The following CCDC171 variants were observed in gnomAD, a reference collection of about 807,000 sequenced individuals.
CCDC171 encodes the protein coiled-coil domain-containing protein 171.
CCDC171 carries 177 observed loss-of-function variants against 168.2 expected under a neutral mutation model. The ratio of observed to expected loss-of-function variants is 1.05; its 90% CI spans 0.93 to 1.19. The LOEUF (loss-of-function observed/expected upper bound fraction) is 1.19, where lower values mean the gene tolerates loss of function less well. CCDC171 is among the 50% of genes most tolerant of loss of function. CCDC171 has a pLI of 0.00. For missense variants in CCDC171, 1,991 were observed against 1,539.0 expected (o/e 1.29, Z -4.91); for synonymous variants, 687 against 540.8 (o/e 1.27, Z -3.75).
At chr9:15,622,927 T>C (rs891593366) in intron 6 of CCDC171, among the ~76,000 whole-genome samples, 29 of 152,188 alleles carry the variant, frequency 1.9e-4, no homozygotes, top group African/African-American at 6.8e-4. Context: ...TTTAAAAATT[T>C]TAATGAGAAG....
chr9:15,662,485 G>A (rs1435339821), intron 8 of CCDC171, among the ~76,000 whole-genome samples: 5 of 152,124 alleles, frequency 3.3e-5, no homozygotes, highest in East Asian at 1.9e-4. Context: ...ACAGAGTTCC[G>A]TAACTTTTCT....
intron 3 of CCDC171, among the ~76,000 whole-genome samples, chr9:16,004,829 G>A (rs1369259190): frequency 6.6e-6 from 1 of 152,108 alleles, no homozygotes; most frequent in Non-Finnish European, 1.5e-5. Context: ...TTGAAGTTAA[G>A]AGTTGCAGGA....
At chr9:16,010,749 T>TAAAA (rs78310900) in intron 3 of CCDC171, among the ~76,000 whole-genome samples, 5 of 148,230 alleles carry the variant, frequency 3.4e-5, no homozygotes, top group African/African-American at 1.2e-4. Flanking sequence ...AACAGTTTAT[T>TAAAA]AAAAAAAAAA....
chr9:15,656,991 C>T (rs2047987781), intron 7 of CCDC171, 136 bp from the exon 8 acceptor site: 2 of 449,618 alleles, frequency 4.4e-6, no homozygotes, highest in African/African-American at 2.0e-5. Flanking sequence ...TTTTACATTC[C>T]ATTCTTGCAA....
At chr9:15,886,356 G>C (rs920514499) in intron 24 of CCDC171, 1 of 152,098 alleles carries the variant, frequency 6.6e-6, no homozygotes, top group African/African-American at 2.4e-5. Context: ...TGGCCAATAA[G>C]TAAAAAGGTG....
At chr9:15,767,074 T>C (rs2056763583) in intron 18 of CCDC171, among the ~76,000 whole-genome samples, 1 of 152,148 alleles carries the variant, frequency 6.6e-6, no homozygotes, top group Non-Finnish European at 1.5e-5. Flanking sequence ...ATGACGAAAG[T>C]TTTTTTAGAT....
chr9:15,920,691 C>G (rs1394257575), intron 25 of CCDC171, among the ~76,000 whole-genome samples: 1 of 151,692 alleles, frequency 6.6e-6, no homozygotes, highest in Non-Finnish European at 1.5e-5. Context: ...GTGCAGCTGA[C>G]AGTTGAATTT....
Position 15,859,647 on chromosome 9 carries a change from GT to G in CCDC171, c.3468+10704del, listed in dbSNP as rs369926402. On this transcript the variant is annotated intron_variant, in intron 23 of 25. Transcript: ENST00000380701. ...CCCACCCCCCGAATCTTTTTGTTTT[GT>G]TTTGTTTTGTTTTGTTTTGTTTTTT... 2.9e-4 allele frequency among the ~76,000 whole-genome samples: 34 copies of G among 119,190 alleles called. No individual in the cohort carries two copies. In the East Asian group the frequency reaches 5.5e-3, roughly 19 times the overall value. The allele number at this position is 119,190 out of a possible 152,430, so 78.2% of individuals were successfully genotyped here. A position where few individuals can be genotyped will look rare whatever the true frequency, so the allele number is the denominator to read the frequency against.
At chr9:15,863,104 C>T (rs925622594) in intron 23 of CCDC171, among the ~76,000 whole-genome samples, 10 of 151,940 alleles carry the variant, frequency 6.6e-5, no homozygotes, top group African/African-American at 2.2e-4. Context: ...CATGTCAGTA[C>T]TCAAACACAG....
At chr9:15,664,689 G>GT (rs1327362793) in intron 8 of CCDC171, among the ~76,000 whole-genome samples, 18 of 132,972 alleles carry the variant, frequency 1.4e-4, no homozygotes, top group African/African-American at 5.0e-4. Flanking sequence ...AGGGAATATA[G>GT]TTTTGTTTTT....
intron 25 of CCDC171, among the ~76,000 whole-genome samples, chr9:15,940,106 A>G (rs1827549706): frequency 6.6e-6 from 1 of 151,922 alleles, no homozygotes; most frequent in Admixed American, 6.6e-5. Flanking sequence ...ACAACTTTAT[A>G]TCATTTGTTT....
chr9:15,724,953 C>T lies in CCDC171; in HGVS notation c.1669C>T (p.Gln557Ter). The T allele has an allele frequency of 6.2e-7, 1 of 1,613,792 alleles. No homozygotes were observed. Among genetic ancestry groups the T allele is most frequent in the South Asian group, 1.1e-5 (1 of 91,072 alleles). ...QSESELQKLS[Q>*]AFHKDAEEKL... ...TGAAAGTGAACTGCAGAAGCTTTCC[C>T]AGGCTTTCCATAAGGATGCAGAGGT... The change falls in exon 14 of 26, where the codon CAG becomes TAG. Residue 557 changes from glutamine (Q) to a stop codon, truncating the protein, a stop_gained. Transcript: ENST00000380701. LOFTEE classifies it high-confidence loss of function.
At chr9:15,955,320 C>T (rs1446005301) in intron 25 of CCDC171, among the ~76,000 whole-genome samples, 5 of 152,122 alleles carry the variant, frequency 3.3e-5, no homozygotes, top group Admixed American at 2.6e-4. Flanking sequence ...AGGATGCTGG[C>T]CCTTTAAATT....
In CCDC171 at chr9:15,680,080, A is replaced by G. The variant is rs142388981; in HGVS notation, c.1215+1184A>G. Among the ~76,000 whole-genome samples, 792 of 152,258 alleles carry G rather than the reference A, an allele frequency of 5.2e-3. 6 individuals carry two copies. The highest frequency in any genetic ancestry group is 0.019 in the African/African-American group (775 of 41,556). ...ACAGTATTTCTTTAGTACTTAGTTC[A>G]GCATCTTTATCATAATACTCACCGA... On this transcript the variant is annotated intron_variant, in intron 10 of 25. Transcript: ENST00000380701.
At chr9:15,756,117 T>C (rs574224447) in intron 18 of CCDC171, among the ~76,000 whole-genome samples, 84 of 152,270 alleles carry the variant, frequency 5.5e-4, no homozygotes, top group African/African-American at 1.9e-3. Flanking sequence ...CCTGGCTGGC[T>C]AGCTAGAAGG....
intron 23 of CCDC171, among the ~76,000 whole-genome samples, chr9:15,856,657 A>T (rs190594137): frequency 6.6e-6 from 1 of 152,170 alleles, no homozygotes; most frequent in Non-Finnish European, 1.5e-5. Flanking sequence ...AATAGTACTG[A>T]AGTGAACTTG....
At chr9:15,621,937 AT>A (rs1483581064) in intron 6 of CCDC171, among the ~76,000 whole-genome samples, 2 of 152,254 alleles carry the variant, frequency 1.3e-5, no homozygotes, top group African/African-American at 4.8e-5. Context: ...ACATCATTAA[AT>A]ACTATGCAGC....
chr9:15,618,132 T>C (rs953992244), intron 6 of CCDC171, among the ~76,000 whole-genome samples: 1 of 152,176 alleles, frequency 6.6e-6, no homozygotes, highest in African/African-American at 2.4e-5. Context: ...CAGCCGCCCC[T>C]TCCCCCAGGT....
At chr9:15,802,902 A>C (rs1588593921) in intron 21 of CCDC171, among the ~76,000 whole-genome samples, 1 of 152,154 alleles carries the variant, frequency 6.6e-6, no homozygotes, top group African/African-American at 2.4e-5. Context: ...TTTTCTCAAC[A>C]ACCTTGCCAG....
Sources: gnomAD v4.1 joint callset for allele counts (sites outside exome capture counted in the v4.1 genomes callset) on GRCh38, gnomAD v4.1.1 for gene constraint, MANE v1.5 for transcripts, NCBI Gene and HGNC (gene_info 2026-07-23, HGNC 2026-07-21) for gene names.